The following DYM variants were observed in gnomAD, a reference collection of about 807,000 sequenced individuals.
The protein encoded by DYM is dyggve-Melchior-Clausen syndrome protein.
In DYM, 78 loss-of-function variants were observed where a neutral mutation model predicts 93.1. The observed-to-expected ratio is 0.84, with a 90% CI of 0.70 to 1.01. DYM has a LOEUF of 1.01. Among genes scored for constraint, DYM ranks in the 50% least tolerant of loss-of-function variants. The probability of loss-of-function intolerance (pLI) is 0.00; values close to 1 mark genes in which losing one functional copy is unlikely to be tolerated. For synonymous variants in DYM, 321 were observed against 319.7 expected (o/e 1.00, Z -0.04); for missense variants, 789 against 845.0 (o/e 0.93, Z 0.82).
chr18:49,130,817 G>A (rs1340711461), intron 15 of DYM, among the ~76,000 whole-genome samples: 1 of 152,174 alleles, frequency 6.6e-6, no homozygotes, highest in Non-Finnish European at 1.5e-5. Flanking sequence ...CCCTGTGAAA[G>A]TACAAGGCGC....
rs1291116673 is a variant in DYM, at chr18:49,075,845, CACTT to C, written c.2025+21553_2025+21556del. ...GAAGTGCTCTTTGCAGTTGAAGACA[CACTT>C]ACTATTTTCTGCTGGGAAATATTCT... On this transcript the variant is annotated intron_variant, in intron 17 of 17. Coordinates refer to ENST00000675505, the MANE Select transcript of DYM (RefSeq NM_001353214.3). Among the ~76,000 whole-genome samples the C allele has an allele frequency of 4.6e-5, 7 of 152,206 alleles. No homozygotes were observed. In the South Asian group the frequency reaches 6.2e-4, roughly 13 times the overall value.
At chr18:49,381,913 G>GA (rs148954978) in intron 3 of DYM, among the ~76,000 whole-genome samples, 27,157 of 133,868 alleles carry the variant, frequency 0.2, 2,597 homozygotes, top group African/African-American at 0.26. Flanking sequence ...AACTTTTTAA[G>GA]AAAAAAAAAA....
chr18:49,367,001 T>C (rs1473282227), intron 5 of DYM, among the ~76,000 whole-genome samples: 1 of 152,174 alleles, frequency 6.6e-6, no homozygotes, highest in Admixed American at 6.5e-5. Flanking sequence ...TTTAAAGATA[T>C]GTTTCTACAC....
At chr18:49,268,450 A>T (rs1476934584) in intron 11 of DYM, among the ~76,000 whole-genome samples, 3 of 152,216 alleles carry the variant, frequency 2.0e-5, no homozygotes, top group Non-Finnish European at 2.9e-5. Context: ...CTGTTTTGGC[A>T]GTCAGCGAAG....
chr18:49,361,725 T>C (rs1386600139), intron 6 of DYM, among the ~76,000 whole-genome samples: 1 of 152,130 alleles, frequency 6.6e-6, no homozygotes, highest in Non-Finnish European at 1.5e-5. Flanking sequence ...ATTTTTTAAT[T>C]TTTTATTTTT....
chr18:49,126,893 TA>T (rs1428517370), intron 15 of DYM, among the ~76,000 whole-genome samples: 2 of 152,238 alleles, frequency 1.3e-5, no homozygotes, highest in Non-Finnish European at 2.9e-5. Context: ...TTCTTAGTTT[TA>T]AATGTAAGTC....
At chr18:49,409,673 T>C (rs2071984368) in intron 2 of DYM, among the ~76,000 whole-genome samples, 1 of 152,248 alleles carries the variant, frequency 6.6e-6, no homozygotes, top group Non-Finnish European at 1.5e-5. Context: ...CTCTTTCATA[T>C]GAAGCCTGTA....
intron 16 of DYM, among the ~76,000 whole-genome samples, chr18:49,112,411 T>C (rs1056604007): frequency 6.6e-6 from 1 of 152,124 alleles, no homozygotes; most frequent in Admixed American, 6.5e-5. Context: ...TACCCACTTG[T>C]ATGGTGGCTA....
chr18:49,166,630 A>G (rs2087912489), intron 14 of DYM, among the ~76,000 whole-genome samples: 1 of 151,780 alleles, frequency 6.6e-6, no homozygotes, highest in Non-Finnish European at 1.5e-5. Flanking sequence ...AAAAATTGGG[A>G]TTGTTTATAA....
rs1234636299 is a variant in DYM, at chr18:49,043,716, A to G, written c.*339T>C. On this transcript the variant is annotated 3_prime_UTR_variant, in exon 18 of 18. Transcript: ENST00000675505. ...TGTTGAATAGTGTGCACTGTTGGAT[A>G]GTGTGCACTGTTGAAGTGTGATGTG... 2.9e-6 allele frequency: 1 copy of G among 344,124 alleles called. No homozygotes were observed. The allele number at this position is 344,124 out of a possible 1,614,324, so 21.3% of individuals were successfully genotyped here.
chr18:49,362,003 C>T (rs1460262249), intron 6 of DYM, among the ~76,000 whole-genome samples: 1 of 151,124 alleles, frequency 6.6e-6, no homozygotes, highest in Non-Finnish European at 1.5e-5. Flanking sequence ...AGATTACAGG[C>T]ATAAGCCACT....
At chr18:49,109,354 T>A (rs1014561930) in intron 16 of DYM, among the ~76,000 whole-genome samples, 7 of 152,224 alleles carry the variant, frequency 4.6e-5, no homozygotes, top group African/African-American at 1.7e-4. Context: ...TTCTATTTTA[T>A]CTTCATCTTT....
chr18:49,168,729 A>G (rs1351264983), intron 14 of DYM, among the ~76,000 whole-genome samples: 2 of 152,146 alleles, frequency 1.3e-5, no homozygotes, highest in African/African-American at 4.8e-5. Flanking sequence ...CAATACTGAA[A>G]TCAGAGAATT....
chr18:49,140,386 G>A (rs1055675597), intron 15 of DYM, among the ~76,000 whole-genome samples: 4 of 152,076 alleles, frequency 2.6e-5, no homozygotes, highest in Non-Finnish European at 5.9e-5. Context: ...TCACTGCAAG[G>A]CTTATTATAT....
chr18:49,328,497 AC>A (rs2063073441), intron 8 of DYM, among the ~76,000 whole-genome samples: 1 of 152,210 alleles, frequency 6.6e-6, no homozygotes, highest in Non-Finnish European at 1.5e-5. Context: ...TGAACAGACA[AC>A]CTACAGAATG....
intron 14 of DYM, among the ~76,000 whole-genome samples, chr18:49,187,210 G>A (rs145302921): frequency 1.6e-3 from 244 of 152,190 alleles, no homozygotes; most frequent in Non-Finnish European, 3.0e-3. Flanking sequence ...GAGCCACTGC[G>A]CCCGGCCGCT....
At chr18:49,320,553 C>A (rs1199282833) in intron 8 of DYM, among the ~76,000 whole-genome samples, 2 of 152,166 alleles carry the variant, frequency 1.3e-5, no homozygotes, top group African/African-American at 4.8e-5. Flanking sequence ...TGGCTCACTG[C>A]AACTTTCATC....
chr18:49,101,077 T>C (rs1350007739), intron 16 of DYM, among the ~76,000 whole-genome samples: 1 of 152,218 alleles, frequency 6.6e-6, no homozygotes, highest in Non-Finnish European at 1.5e-5. Flanking sequence ...TTGCATATAA[T>C]AGTACTTTTA....
intron 12 of DYM, among the ~76,000 whole-genome samples, chr18:49,257,887 C>T (rs1335805986): frequency 6.6e-6 from 1 of 151,984 alleles, no homozygotes; most frequent in Non-Finnish European, 1.5e-5. Flanking sequence ...TTTCTCTTAG[C>T]TATGAATTCT....
Sources: allele counts gnomAD v4.1 joint callset (sites outside exome capture counted in the v4.1 genomes callset), GRCh38; gene constraint gnomAD v4.1.1; transcripts MANE v1.5; gene names NCBI Gene and HGNC (gene_info 2026-07-23, HGNC 2026-07-21).